DAPK1: variants seen among roughly 807,000 people sequenced by gnomAD.
The protein encoded by DAPK1 is death-associated protein kinase 1.
Under a neutral mutation model 144.9 loss-of-function variants are expected in DAPK1, and 56 were observed. The observed-to-expected ratio is 0.39, with a 90% CI of 0.31 to 0.48. The LOEUF (loss-of-function observed/expected upper bound fraction) is 0.48. Among genes scored for constraint, DAPK1 ranks in the 20% least tolerant of loss-of-function variants. The pLI is 0.95. For missense variants in DAPK1, 1,454 were observed against 1,875.4 expected (o/e 0.78, Z 4.15); for synonymous variants, 690 against 749.0 (o/e 0.92, Z 1.29).
chr9:87,640,978 G>A (rs1247246146), intron 9 of DAPK1, 131 bp downstream of exon 9: 26 of 890,872 alleles, frequency 2.9e-5, no homozygotes, highest in Admixed American at 7.2e-5. Context: ...TATTTGCATC[G>A]TATCTTAAGA....
intron 20 of DAPK1, among the ~76,000 whole-genome samples, chr9:87,683,560 C>T (rs1291751274): frequency 7.2e-5 from 11 of 152,100 alleles, no homozygotes; most frequent in African/African-American, 2.7e-4. Context: ...TTTGCAAGGC[C>T]TAAGTGGGTG....
intron 2 of DAPK1, among the ~76,000 whole-genome samples, chr9:87,583,768 G>T (rs955853387): frequency 3.3e-5 from 5 of 152,142 alleles, no homozygotes; most frequent in African/African-American, 1.2e-4. Flanking sequence ...CCTTGCCACT[G>T]ACTAGTCCAC....
chr9:87,562,885 A>G (rs1376688404), intron 2 of DAPK1, among the ~76,000 whole-genome samples: 1 of 152,246 alleles, frequency 6.6e-6, no homozygotes, highest in Non-Finnish European at 1.5e-5. Flanking sequence ...GAATGATTTA[A>G]AGAGGATTCT....
intron 3 of DAPK1, among the ~76,000 whole-genome samples, chr9:87,634,197 G>A (rs1829806664): frequency 6.6e-6 from 1 of 152,234 alleles, no homozygotes; most frequent in Non-Finnish European, 1.5e-5. Context: ...AGTTGGGACA[G>A]ACTGCAAGGC....
At chr9:87,705,086 T>A (rs1825590682) in intron 25 of DAPK1, among the ~76,000 whole-genome samples, 1 of 152,094 alleles carries the variant, frequency 6.6e-6, no homozygotes, top group African/African-American at 2.4e-5. Flanking sequence ...AGGCCTTTTC[T>A]ATGTGTGTGT....
chr9:87,566,269 C>T (rs907572643), intron 2 of DAPK1, among the ~76,000 whole-genome samples: 2 of 152,132 alleles, frequency 1.3e-5, no homozygotes, highest in African/African-American at 4.8e-5. Flanking sequence ...GATCCACCCG[C>T]CTCGGCCTCC....
chr9:87,655,158 C>A (rs565836177), intron 17 of DAPK1, among the ~76,000 whole-genome samples: 4 of 152,142 alleles, frequency 2.6e-5, no homozygotes, highest in African/African-American at 9.7e-5. Flanking sequence ...AGTTTCAACC[C>A]CTTGGAATTA....
At chr9:87,581,437 AACTT>A (rs1827749960) in intron 2 of DAPK1, among the ~76,000 whole-genome samples, 1 of 152,262 alleles carries the variant, frequency 6.6e-6, no homozygotes, top group South Asian at 2.1e-4. Flanking sequence ...AAAAAAAAAA[AACTT>A]AGTTAATTTT....
intron 2 of DAPK1, among the ~76,000 whole-genome samples, chr9:87,502,910 A>T (rs1258559745): frequency 6.6e-6 from 1 of 152,154 alleles, no homozygotes; most frequent in African/African-American, 2.4e-5. Context: ...GCAAATTGGT[A>T]TCTATGATCA....
chr9:87,649,746 A>T (rs1411919409), intron 15 of DAPK1, among the ~76,000 whole-genome samples, 175 bp from the exon 16 acceptor site: 2 of 152,244 alleles, frequency 1.3e-5, no homozygotes, highest in African/African-American at 4.8e-5. Context: ...CTGGTGGCTC[A>T]CACTCATGTT....
chr9:87,703,819 C>T (rs879786337), intron 25 of DAPK1, among the ~76,000 whole-genome samples: 1 of 152,168 alleles, frequency 6.6e-6, no homozygotes, highest in East Asian at 1.9e-4. Context: ...CACCAGGGCG[C>T]GGTTTGGAAA....
intron 2 of DAPK1, among the ~76,000 whole-genome samples, chr9:87,518,278 ATTTTTTTTT>A (rs1188386875): frequency 1.6e-5 from 2 of 124,590 alleles, no homozygotes; most frequent in African/African-American, 6.2e-5. Context: ...CACCCAGCTA[ATTTTTTTTT>A]TTTTTTTTTT....
chr9:87,528,219 CTTTTTTTTT>C (rs35842498), intron 2 of DAPK1, among the ~76,000 whole-genome samples: 4 of 140,542 alleles, frequency 2.8e-5, no homozygotes, highest in Non-Finnish European at 4.7e-5. Context: ...TTCTTTCTTT[CTTTTTTTTT>C]TTTTTTGAGA....
chr9:87,676,129 T>C (rs1249802925), intron 19 of DAPK1, among the ~76,000 whole-genome samples: 4 of 152,050 alleles, frequency 2.6e-5, no homozygotes, highest in Admixed American at 2.6e-4. Flanking sequence ...TAGTCCCCTC[T>C]CCTCTCCCCT....
chr9:87,657,044 A>G (rs574817459), intron 17 of DAPK1, among the ~76,000 whole-genome samples: 1 of 152,338 alleles, frequency 6.6e-6, no homozygotes, highest in East Asian at 1.9e-4. Flanking sequence ...AAAAATACAT[A>G]GCATTAAAAA....
intron 21 of DAPK1, among the ~76,000 whole-genome samples, chr9:87,689,203 A>G (rs1039174505): frequency 2.9e-5 from 4 of 136,136 alleles, no homozygotes; most frequent in Non-Finnish European, 5.9e-5. Context: ...TCCTTTCTCC[A>G]TTACTTATTT....
In DAPK1 at chr9:87,686,243, C is replaced by T. The variant is rs538251371; in HGVS notation, c.2225-308C>T. On this transcript the variant is annotated intron_variant, in intron 20 of 25. Transcript: ENST00000408954. The surrounding 1 kb of genome is among the most constrained non-coding windows in gnomAD (Gnocchi z 4.2). ...CCCTCCCACCCTCTCCACAGCCTCC[C>T]GTTGGCTGACCCTAAGCAGAAATCA... Among the ~76,000 whole-genome samples, 1 of 152,148 alleles carries T rather than the reference C, an allele frequency of 6.6e-6. No homozygotes were observed. Among genetic ancestry groups the T allele is most frequent in the African/African-American group, 2.4e-5 (1 of 41,434 alleles).
intron 2 of DAPK1, among the ~76,000 whole-genome samples, chr9:87,516,790 G>A (rs992100068): frequency 1.3e-5 from 2 of 152,096 alleles, no homozygotes; most frequent in African/African-American, 4.8e-5. Flanking sequence ...TGCTAGGTTC[G>A]GTGGATTGGA....
chr9:87,602,437 CAT>C (rs1166942827), intron 2 of DAPK1, among the ~76,000 whole-genome samples: 1 of 152,194 alleles, frequency 6.6e-6, no homozygotes, highest in Admixed American at 6.5e-5. Flanking sequence ...CATGAGCACA[CAT>C]GACATTCAGC....
Sources: allele counts gnomAD v4.1 joint callset (sites outside exome capture counted in the v4.1 genomes callset), GRCh38; gene constraint gnomAD v4.1.1; non-coding constraint Gnocchi (gnomAD v3.1); transcripts MANE v1.5; gene names NCBI Gene and HGNC (gene_info 2026-07-23, HGNC 2026-07-21).